The following EPHA3 variants were observed in gnomAD, a reference collection of about 807,000 sequenced individuals.
The protein encoded by EPHA3 is ephrin type-A receptor 3.
A neutral mutation model predicts 107.1 loss-of-function variants in EPHA3; 42 were observed. That is an observed-to-expected ratio of 0.39 (90% CI 0.31 to 0.51). The LOEUF is 0.51. EPHA3 is among the 20% of genes least tolerant of loss of function. EPHA3 has a pLI of 0.78. For synonymous variants in EPHA3, 461 were observed against 424.8 expected (o/e 1.09, Z -1.05); for missense variants, 1,183 against 1,211.2 (o/e 0.98, Z 0.35).
At chr3:89,473,604 G>T (rs1279396874) in intron 16 of EPHA3, among the ~76,000 whole-genome samples, 1 of 152,066 alleles carries the variant, frequency 6.6e-6, no homozygotes, top group Non-Finnish European at 1.5e-5. Context: ...CTAAAAACTG[G>T]CTTTCTAAAC....
At chr3:89,242,808 G>A (rs1320560982) in intron 3 of EPHA3, among the ~76,000 whole-genome samples, 1 of 151,746 alleles carries the variant, frequency 6.6e-6, no homozygotes, top group African/African-American at 2.4e-5. Flanking sequence ...CAACGTGCAG[G>A]TTAGTTACAT....
At chr3:89,160,495 A>G (rs561135851) in intron 2 of EPHA3, among the ~76,000 whole-genome samples, 63 of 151,954 alleles carry the variant, frequency 4.1e-4, no homozygotes, top group Non-Finnish European at 6.0e-4. Context: ...ATAACTGTTC[A>G]TAAGTAAATA....
chr3:89,113,485 CAAAAAAAAAAA>C (rs753848304), intron 1 of EPHA3, among the ~76,000 whole-genome samples: 45 of 31,102 alleles, frequency 1.4e-3, no homozygotes, highest in Middle Eastern at 0.033. Flanking sequence ...TTCCTTTGTA[CAAAAAAAAAAA>C]AAAAAAAAAA....
chr3:89,116,519 C>G (rs181487142), intron 1 of EPHA3, among the ~76,000 whole-genome samples: 28 of 152,048 alleles, frequency 1.8e-4, no homozygotes, highest in Non-Finnish European at 2.9e-4. Context: ...GAAAAGGTAG[C>G]TAAAACAGGC....
intron 2 of EPHA3, among the ~76,000 whole-genome samples, chr3:89,144,677 T>C (rs749676708): frequency 1.3e-5 from 2 of 151,778 alleles, no homozygotes; most frequent in Non-Finnish European, 2.9e-5. Context: ...ATTATTTATT[T>C]TTGCTTAAAT....
chr3:89,210,670 T>A, intron 3 of EPHA3, 150 bp downstream of exon 3: 1 of 791,418 alleles, frequency 1.3e-6, no homozygotes, highest in Non-Finnish European at 1.9e-6. Context: ...TAAAATTAAT[T>A]CCATTTGATG....
chr3:89,199,640 T>TAAAG (rs1231144063), intron 2 of EPHA3, among the ~76,000 whole-genome samples: 1 of 152,234 alleles, frequency 6.6e-6, no homozygotes, highest in Non-Finnish European at 1.5e-5. Flanking sequence ...GGTTTTCAGA[T>TAAAG]GCTTTTTCCT....
At chr3:89,431,007 C>A in intron 12 of EPHA3, 143 bp from the exon 13 acceptor site, 1 of 711,290 alleles carries the variant, frequency 1.4e-6, no homozygotes, top group Non-Finnish European at 2.3e-6. Context: ...CCATTTGCCA[C>A]ATATCTTTGT....
At chr3:89,419,456 C>T in intron 11 of EPHA3, 66 bp downstream of exon 11, 1 of 1,397,214 alleles carries the variant, frequency 7.2e-7, no homozygotes, top group Non-Finnish European at 9.5e-7. Context: ...AACCCAACCC[C>T]AACCATTTAA....
Position 89,482,011 on chromosome 3 carries a change from T to G in EPHA3, c.*2509T>G, listed in dbSNP as rs1710628599. ...ATGTGTTTACTTTAAACTTGTCTTT[T>G]CAAAATATTACTCAGTTTATGTTGT... On this transcript the variant is annotated 3_prime_UTR_variant, in exon 17 of 17. Transcript: ENST00000336596. The G allele has an allele frequency of 4.5e-6, 1 of 223,484 alleles. No homozygotes were observed. Among genetic ancestry groups the G allele is most frequent in the South Asian group, 1.8e-4 (1 of 5,458 alleles). The allele number at this position is 223,484 out of a possible 1,614,324, so 13.8% of individuals were successfully genotyped here.
intron 3 of EPHA3, among the ~76,000 whole-genome samples, chr3:89,230,285 G>A (rs1355410397): frequency 6.6e-6 from 1 of 152,070 alleles, no homozygotes; most frequent in African/African-American, 2.4e-5. Context: ...CTAGATAGGA[G>A]GAGTTTTTGC....
chr3:89,257,300 C>T (rs1022291655), intron 3 of EPHA3, among the ~76,000 whole-genome samples: 3 of 152,146 alleles, frequency 2.0e-5, no homozygotes, highest in Non-Finnish European at 4.4e-5. Context: ...CAAACACTTC[C>T]TACTCTGTTG....
intron 5 of EPHA3, among the ~76,000 whole-genome samples, chr3:89,382,102 C>A (rs1002514690): frequency 2.0e-5 from 3 of 151,992 alleles, no homozygotes; most frequent in Non-Finnish European, 2.9e-5. Flanking sequence ...CTTTTGCTTG[C>A]TTGAAAAAAG....
chr3:89,264,641 C>G (rs1182364023), intron 3 of EPHA3, among the ~76,000 whole-genome samples: 3 of 151,980 alleles, frequency 2.0e-5, no homozygotes, highest in Non-Finnish European at 4.4e-5. Flanking sequence ...CTTGTTCCCC[C>G]AAGCAGGATT....
chr3:89,107,921 C>T, intron 1 of EPHA3, 85 bp downstream of exon 1: 3 of 1,330,898 alleles, frequency 2.3e-6, no homozygotes, highest in South Asian at 1.2e-5. Context: ...CCTTGCACGT[C>T]GGGAAGGTGC....
intron 3 of EPHA3, among the ~76,000 whole-genome samples, chr3:89,271,218 G>T (rs1705659792): frequency 6.6e-6 from 1 of 152,030 alleles, no homozygotes; most frequent in Middle Eastern, 3.4e-3. Flanking sequence ...TACCTATAAA[G>T]TCACTGTATT....
chr3:89,332,581 G>A (rs769829110), intron 3 of EPHA3, among the ~76,000 whole-genome samples: 1 of 152,122 alleles, frequency 6.6e-6, no homozygotes, highest in Non-Finnish European at 1.5e-5. Flanking sequence ...TTGCCTCAAC[G>A]CATTGTACCT....
intron 3 of EPHA3, among the ~76,000 whole-genome samples, chr3:89,267,117 AG>A (rs1300974047): frequency 6.6e-6 from 1 of 152,142 alleles, no homozygotes; most frequent in Non-Finnish European, 1.5e-5. Context: ...ATTCTTTCTA[AG>A]GCAGAGCTAG....
chr3:89,190,039 A>G (rs1705669971), intron 2 of EPHA3, among the ~76,000 whole-genome samples: 2 of 152,322 alleles, frequency 1.3e-5, no homozygotes, highest in African/African-American at 2.4e-5. Flanking sequence ...CCTGTGCAAC[A>G]GTATTAAACA....
Sources: allele counts gnomAD v4.1 joint callset (sites outside exome capture counted in the v4.1 genomes callset), GRCh38; gene constraint gnomAD v4.1.1; transcripts MANE v1.5; gene names NCBI Gene and HGNC (gene_info 2026-07-23, HGNC 2026-07-21).